The following TCERG1L variants were observed in gnomAD, a reference collection of about 807,000 sequenced individuals.
TCERG1L encodes the protein transcription elongation regulator 1-like protein.
A neutral mutation model predicts 56.3 loss-of-function variants in TCERG1L; 37 were observed. The observed-to-expected ratio is 0.66, with a 90% CI of 0.51 to 0.87. The LOEUF is 0.87. TCERG1L is among the 40% of genes least tolerant of loss of function. The probability of loss-of-function intolerance (pLI) is 0.00; values close to 1 mark genes in which losing one functional copy is unlikely to be tolerated. For synonymous variants in TCERG1L, 324 were observed against 326.3 expected, an observed-to-expected ratio of 0.99 and a Z score of 0.08; for missense variants, 799 against 774.2, an observed-to-expected ratio of 1.03 and a Z score of -0.38.
At chr10:131,133,226 G>A (rs1050928922) in intron 8 of TCERG1L, among the ~76,000 whole-genome samples, 2 of 152,114 alleles carry the variant, frequency 1.3e-5, no homozygotes, top group African/African-American at 4.8e-5. Flanking sequence ...CCATCCTTCT[G>A]TCCTTTGCTA....
intron 8 of TCERG1L, among the ~76,000 whole-genome samples, chr10:131,131,858 A>T (rs2133402298): frequency 6.6e-6 from 1 of 152,348 alleles, no homozygotes. Context: ...CCACACAAAA[A>T]GCGCAGGTCC....
rs553688885 is a variant in TCERG1L at position 131,310,243 on chromosome 10, T to C, written c.343-944A>G. ...GTTCCTTGACATTATATACCTCTAGTGGCAGCACTCTGATATAACACCCCT... is the reference window on the plus strand; with the variant it reads ...GTTCCTTGACATTATATACCTCTAGCGGCAGCACTCTGATATAACACCCCT... On this transcript the variant is annotated intron_variant, in intron 1 of 11. Transcript: ENST00000368642. Among the ~76,000 whole-genome samples, 11 of 152,344 alleles carry C rather than the reference T, an allele frequency of 7.2e-5. No individual in the cohort carries two copies. The South Asian group carries it at 1.5e-3, about 20-fold the overall frequency.
intron 4 of TCERG1L, among the ~76,000 whole-genome samples, chr10:131,255,416 T>A (rs2133537216): frequency 6.6e-6 from 1 of 152,364 alleles, no homozygotes; most frequent in East Asian, 1.9e-4. Context: ...CATATGCATA[T>A]GGTAAACATA....
intron 3 of TCERG1L, among the ~76,000 whole-genome samples, chr10:131,294,540 C>T (rs112283059): frequency 0.038 from 5,753 of 152,252 alleles, 139 homozygotes; most frequent in African/African-American, 0.058. Flanking sequence ...ATTAATTTTG[C>T]CTCAGTTTCT....
In TCERG1L at chr10:131,278,456, G is replaced by A. The variant is rs879365882; in HGVS notation, c.671-18012C>T. Among the ~76,000 whole-genome samples the A allele has an allele frequency of 6.0e-5, 9 of 149,442 alleles. 1 individual carries two copies. The South Asian group carries it at 1.1e-3, about 18-fold the overall frequency. ...GGGTTCAAGCAATTCTCCTGCCTCC[G>A]CCTCCCAAGTAGCTGGAATTACAGG... is the stretch of plus-strand genomic sequence containing the variant. On this transcript the variant is annotated intron_variant, in intron 3 of 11. Coordinates refer to ENST00000368642, the MANE Select transcript of TCERG1L (RefSeq NM_174937.4).
At chr10:131,262,951 G>A (rs903238125) in intron 3 of TCERG1L, among the ~76,000 whole-genome samples, 11 of 151,898 alleles carry the variant, frequency 7.2e-5, no homozygotes, top group Admixed American at 3.9e-4. Context: ...GCCATCTTCC[G>A]CTTGGCAATA....
In TCERG1L at chr10:131,146,586, G is replaced by A. The variant is rs755326373; in HGVS notation, c.1109C>T (p.Pro370Leu). Reference protein sequence around the residue: ...PTMHLSVWEKPMDLKDRGDLN... With the variant: ...PTMHLSVWEKLMDLKDRGDLN... The stretch of plus-strand genomic sequence containing the variant: ...GTCTCCGCGGTCCTTCAGGTCCATG[G>A]GCTTCTCCCAGACAGACAGGTGCAT... The change falls in exon 7 of 12, where the codon CCC becomes CTC. Residue 370 changes from proline to leucine, a missense_variant. Coordinates refer to ENST00000368642, the MANE Select transcript of TCERG1L (RefSeq NM_174937.4). 6.2e-7 allele frequency: 1 copy of A among 1,613,898 alleles called. No individual in the cohort carries two copies. The highest frequency in any genetic ancestry group is 8.5e-7 in the Non-Finnish European group (1 of 1,179,862).
intron 11 of TCERG1L, among the ~76,000 whole-genome samples, chr10:131,097,985 A>G (rs1221905881): frequency 1.3e-5 from 2 of 152,186 alleles, no homozygotes; most frequent in East Asian, 3.9e-4. Context: ...ATGAGTGCTC[A>G]CGTATTGATT....
intron 4 of TCERG1L, among the ~76,000 whole-genome samples, chr10:131,184,064 A>C (rs1257534209): frequency 6.6e-6 from 1 of 152,084 alleles, no homozygotes; most frequent in Non-Finnish European, 1.5e-5. Flanking sequence ...GGAAGTGTCT[A>C]TTTCTTGGAA....
At chr10:131,212,505 A>G (rs763134194) in intron 4 of TCERG1L, among the ~76,000 whole-genome samples, 4 of 152,246 alleles carry the variant, frequency 2.6e-5, no homozygotes, top group Non-Finnish European at 5.9e-5. Context: ...TAAGCTCAAA[A>G]TAATTAGGCC....
At chr10:131,137,168 A>AC (rs1845684951) in intron 7 of TCERG1L, among the ~76,000 whole-genome samples, 2 of 150,766 alleles carry the variant, frequency 1.3e-5, no homozygotes, top group African/African-American at 4.9e-5. Flanking sequence ...AAACAAACAA[A>AC]AAACCGAGGG....
At chr10:131,226,588 A>G (rs1308354532) in intron 4 of TCERG1L, among the ~76,000 whole-genome samples, 2 of 152,262 alleles carry the variant, frequency 1.3e-5, no homozygotes, top group African/African-American at 4.8e-5. Context: ...TCAGCAGCAC[A>G]GTCTTAATAA....
At chr10:131,230,469 G>A (rs1016387057) in intron 4 of TCERG1L, among the ~76,000 whole-genome samples, 6 of 152,160 alleles carry the variant, frequency 3.9e-5, no homozygotes, top group African/African-American at 9.6e-5. Flanking sequence ...AGTGCTCACC[G>A]GCAGCAAGTC....
chr10:131,162,858 G>A (rs759364925), intron 6 of TCERG1L: 4 of 329,928 alleles, frequency 1.2e-5, no homozygotes, highest in African/African-American at 6.4e-5. Context: ...ACTGCCTTTC[G>A]CTGATAGACA....
chr10:131,174,424 C>T (rs1846125325), intron 4 of TCERG1L, among the ~76,000 whole-genome samples: 1 of 152,114 alleles, frequency 6.6e-6, no homozygotes, highest in African/African-American at 2.4e-5. Context: ...GCTGGCTGGG[C>T]TGCTGTGCGG....
At position 131,309,268 on chromosome 10, in the gene TCERG1L, C is replaced by A; in HGVS notation, c.374G>T (p.Gly125Val). ...WLFGGHSPSL[G>V]LPPSSTVELV... ...CTCCACTGTGGAAGAGGGGGGCAGT[C>A]CTAGGGACGGAGAATGGCCACCAAA... Residue 125 changes from glycine (G) to valine (V), a missense_variant, in exon 2 of 12, where the codon GGA becomes GTA. Coordinates refer to ENST00000368642, the MANE Select transcript of TCERG1L (RefSeq NM_174937.4). 1 of 1,600,956 alleles carries A rather than the reference C, an allele frequency of 6.2e-7. No homozygotes were observed. Among genetic ancestry groups the A allele is most frequent in the Non-Finnish European group, 8.5e-7 (1 of 1,175,330 alleles).
At chr10:131,206,204 A>AG (rs1845524453) in intron 4 of TCERG1L, among the ~76,000 whole-genome samples, 1 of 152,248 alleles carries the variant, frequency 6.6e-6, no homozygotes, top group African/African-American at 2.4e-5. Context: ...CAAGGTCCGC[A>AG]AAGGCAAATC....
chr10:131,240,313 C>T (rs1319679215), intron 4 of TCERG1L, among the ~76,000 whole-genome samples: 1 of 152,210 alleles, frequency 6.6e-6, no homozygotes, highest in African/African-American at 2.4e-5. Flanking sequence ...ACACGGAACT[C>T]AGAATGGTCC....
intron 1 of TCERG1L, among the ~76,000 whole-genome samples, chr10:131,309,964 A>G (rs937895431): frequency 1.3e-5 from 2 of 151,820 alleles, no homozygotes; most frequent in African/African-American, 4.8e-5. Context: ...AATAACTGAG[A>G]CCTCATAAGG....
Sources: gnomAD v4.1 joint callset for allele counts (sites outside exome capture counted in the v4.1 genomes callset) on GRCh38, gnomAD v4.1.1 for gene constraint, MANE v1.5 for transcripts, NCBI Gene and HGNC (gene_info 2026-07-23, HGNC 2026-07-21) for gene names.